TCF12: variants seen among roughly 807,000 people sequenced by gnomAD.
The protein encoded by TCF12 is DNA-binding protein HTF4.
In TCF12, 45 loss-of-function variants were observed where a neutral mutation model predicts 86.0. That is an observed-to-expected ratio of 0.52 (90% CI 0.41 to 0.67). The LOEUF is 0.67. Among genes scored for constraint, TCF12 ranks in the 30% least tolerant of loss-of-function variants. The probability of loss-of-function intolerance (pLI) is 0.00; values close to 1 mark genes in which losing one functional copy is unlikely to be tolerated. For synonymous variants in TCF12, 330 were observed against 299.6 expected (o/e 1.10, Z -1.05); for missense variants, 881 against 859.9 (o/e 1.02, Z -0.31).
At chr15:57,064,182 C>T (rs1052872467) in intron 4 of TCF12, among the ~76,000 whole-genome samples, 3 of 152,246 alleles carry the variant, frequency 2.0e-5, no homozygotes, top group Middle Eastern at 3.4e-3. Flanking sequence ...CTTCTAGCCT[C>T]TCTCCCTCAT....
intron 6 of TCF12, among the ~76,000 whole-genome samples, chr15:57,186,899 A>C (rs2056697101): frequency 6.6e-6 from 1 of 152,188 alleles, no homozygotes; most frequent in Admixed American, 6.5e-5. Context: ...AAAGAATCTC[A>C]GCTGAACATG....
intron 3 of TCF12, among the ~76,000 whole-genome samples, chr15:56,922,029 T>G (rs75991608): frequency 0.012 from 1,794 of 152,048 alleles, 32 homozygotes; most frequent in African/African-American, 0.04. Flanking sequence ...AAGACTAGTA[T>G]TATTCTTGAT....
intron 12 of TCF12, among the ~76,000 whole-genome samples, chr15:57,241,253 G>A (rs1042623858): frequency 2.0e-5 from 3 of 151,934 alleles, no homozygotes; most frequent in African/African-American, 7.3e-5. Context: ...CACCACGCCC[G>A]ACTAATTTTT....
At chr15:57,273,371 C>A in intron 19 of TCF12, 109 bp downstream of exon 19, 1 of 1,097,160 alleles carries the variant, frequency 9.1e-7, no homozygotes, top group South Asian at 1.5e-5. Flanking sequence ...TCTCCCAGTA[C>A]TTCTTCTACT....
Position 57,269,360 on chromosome 15 carries a change from C to CTTTTTTTTTTTTTTTTTT in TCF12, c.1746-3656_1746-3639dup, listed in dbSNP as rs56700978. Among the ~76,000 whole-genome samples, 3 of 31,944 alleles carry CTTTTTTTTTTTTTTTTTT rather than the reference C, an allele frequency of 9.4e-5. 1 individual carries two copies. Among genetic ancestry groups the CTTTTTTTTTTTTTTTTTT allele is most frequent in the Non-Finnish European group, 1.6e-4 (3 of 19,124 alleles). The allele number at this position is 31,944 out of a possible 152,430, so 21.0% of individuals were successfully genotyped here. A position where few individuals can be genotyped will look rare whatever the true frequency, so the allele number is the denominator to read the frequency against. On this transcript the variant is annotated intron_variant, in intron 18 of 20. Transcript: ENST00000333725. ...CAGGATTGCAACCGCACAACCCCTG[C>CTTTTTTTTTTTTTTTTTT]TTTTTTTTTTTTTTTTTTTTTTTTT...
intron 5 of TCF12, among the ~76,000 whole-genome samples, chr15:57,132,909 G>T (rs1199679070): frequency 6.6e-6 from 1 of 152,090 alleles, no homozygotes; most frequent in Admixed American, 6.6e-5. Context: ...ATCTTCTCTT[G>T]TAATTATGCA....
intron 3 of TCF12, among the ~76,000 whole-genome samples, chr15:56,940,731 T>TC (rs1158562284): frequency 1.2e-3 from 96 of 82,344 alleles, no homozygotes; most frequent in Admixed American, 1.5e-3. Context: ...TCCCCTTCTC[T>TC]CCCCCCCCTT....
chr15:57,272,321 A>G (rs1181816149), intron 18 of TCF12, among the ~76,000 whole-genome samples: 1 of 152,228 alleles, frequency 6.6e-6, no homozygotes, highest in Non-Finnish European at 1.5e-5. Flanking sequence ...AATAAACATT[A>G]AGGCTCTGGA....
chr15:57,058,923 T>C (rs193034371), intron 3 of TCF12, among the ~76,000 whole-genome samples: 1 of 152,290 alleles, frequency 6.6e-6, no homozygotes, highest in Non-Finnish European at 1.5e-5. Flanking sequence ...TACAATTGAT[T>C]GCAGCCTTTG....
chr15:57,021,626 T>G (rs1156443145), intron 3 of TCF12, among the ~76,000 whole-genome samples: 1 of 152,238 alleles, frequency 6.6e-6, no homozygotes, highest in East Asian at 1.9e-4. Flanking sequence ...GTGACTTGTT[T>G]GGTCTTTCTA....
At chr15:56,960,296 A>G (rs2061685725) in intron 3 of TCF12, among the ~76,000 whole-genome samples, 1 of 152,104 alleles carries the variant, frequency 6.6e-6, no homozygotes, top group Admixed American at 6.5e-5. Context: ...GTAAAGTTCT[A>G]TTTTTGTAAG....
chr15:57,014,263 C>CCA (rs1296839976), intron 3 of TCF12, among the ~76,000 whole-genome samples: 18 of 152,308 alleles, frequency 1.2e-4, no homozygotes, highest in Non-Finnish European at 2.6e-4. Flanking sequence ...GTTCACTCAG[C>CCA]TTGTGGGACC....
At chr15:57,117,538 T>A (rs2050928185) in intron 5 of TCF12, among the ~76,000 whole-genome samples, 1 of 152,212 alleles carries the variant, frequency 6.6e-6, no homozygotes, top group Admixed American at 6.5e-5. Context: ...ACAAGTATGA[T>A]CTGGGTTCAA....
intron 5 of TCF12, among the ~76,000 whole-genome samples, chr15:57,111,534 C>G (rs1286150144): frequency 6.6e-6 from 1 of 151,014 alleles, no homozygotes; most frequent in Non-Finnish European, 1.5e-5. Context: ...CCCATCTCCT[C>G]TCTTAGTTTG....
At position 57,288,920 on chromosome 15, in the gene TCF12, G is replaced by C. The variant is rs1385190688; in HGVS notation, c.*2775G>C. 2.6e-5 allele frequency: 4 copies of C among 152,134 alleles called. No homozygotes were observed. Among genetic ancestry groups the C allele is most frequent in the African/African-American group, 9.7e-5 (4 of 41,428 alleles). The allele number at this position is 152,134 out of a possible 1,614,324, so 9.4% of individuals were successfully genotyped here. A position where few individuals can be genotyped will look rare whatever the true frequency, so the allele number is the denominator to read the frequency against. On this transcript the variant is annotated 3_prime_UTR_variant, in exon 21 of 21. Coordinates refer to ENST00000333725, the MANE Select transcript of TCF12 (RefSeq NM_207037.2). ...CCATACCCTTTCTCACAAAAAAAGTGTCATAATTAAGTAATGGTATTGTTT... is the reference window on the plus strand; with the variant it reads ...CCATACCCTTTCTCACAAAAAAAGTCTCATAATTAAGTAATGGTATTGTTT...
At chr15:57,074,564 G>T (rs1239791930) in intron 4 of TCF12, among the ~76,000 whole-genome samples, 1 of 152,102 alleles carries the variant, frequency 6.6e-6, no homozygotes, top group Non-Finnish European at 1.5e-5. Context: ...TGGAAATGCA[G>T]TGGCACAGTC....
intron 3 of TCF12, among the ~76,000 whole-genome samples, chr15:56,963,500 TAACTA>T (rs1220586284): frequency 2.6e-5 from 4 of 152,240 alleles, no homozygotes; most frequent in Non-Finnish European, 5.9e-5. Flanking sequence ...GGGACATTCT[TAACTA>T]AAGTGCCAGG....
chr15:57,149,117 T>C (rs2615243), intron 5 of TCF12, among the ~76,000 whole-genome samples: 18,084 of 152,200 alleles, frequency 0.12, 2,620 homozygotes, highest in African/African-American at 0.35. Context: ...AAATTGAATA[T>C]AAAAGTGTCA....
intron 4 of TCF12, among the ~76,000 whole-genome samples, chr15:57,066,566 G>C (rs1033750709): frequency 2.0e-5 from 3 of 151,992 alleles, no homozygotes; most frequent in Non-Finnish European, 1.5e-5. Context: ...TCACTAAATA[G>C]AAATTTTTTA....
Sources: allele counts gnomAD v4.1 joint callset (sites outside exome capture counted in the v4.1 genomes callset), GRCh38; gene constraint gnomAD v4.1.1; transcripts MANE v1.5; gene names NCBI Gene and HGNC (gene_info 2026-07-23, HGNC 2026-07-21).